ERBB4: variants seen among roughly 807,000 people sequenced by gnomAD.
ERBB4 encodes the protein receptor tyrosine-protein kinase erbB-4.
ERBB4 carries 42 observed loss-of-function variants against 158.0 expected under a neutral mutation model. That is an observed-to-expected ratio of 0.27 (90% CI 0.21 to 0.34). The LOEUF (loss-of-function observed/expected upper bound fraction) is 0.34. Ranked by LOEUF, ERBB4 falls within the 10% of genes least tolerant of loss-of-function variation. The probability of loss-of-function intolerance (pLI) is 1.00; values close to 1 mark genes in which losing one functional copy is unlikely to be tolerated. For missense variants in ERBB4, 1,333 were observed against 1,624.1 expected (o/e 0.82, Z 3.08); for synonymous variants, 583 against 558.7 (o/e 1.04, Z -0.61).
intron 1 of ERBB4, among the ~76,000 whole-genome samples, chr2:212,320,396 T>A (rs2087510281): frequency 6.7e-6 from 1 of 148,742 alleles, no homozygotes; most frequent in Admixed American, 6.7e-5. Context: ...TGTACTCTGA[T>A]CCTCCAGTTC....
chr2:211,604,787 A>G (rs376075206), intron 19 of ERBB4, among the ~76,000 whole-genome samples: 7 of 152,344 alleles, frequency 4.6e-5, no homozygotes, highest in African/African-American at 1.2e-4. Flanking sequence ...ACTTAAGGTG[A>G]TGAAAATAAA....
intron 2 of ERBB4, among the ~76,000 whole-genome samples, chr2:211,962,160 T>C (rs1457239790): frequency 2.6e-5 from 4 of 152,114 alleles, no homozygotes; most frequent in East Asian, 1.9e-4. Context: ...ATTTGTATAA[T>C]GTTTGCTTAT....
rs572181537 is a variant in ERBB4, at chr2:211,381,514, T to A, written c.*2101A>T. 3.9e-5 allele frequency: 9 copies of A among 231,612 alleles called. No homozygotes were observed. The South Asian group carries it at 1.3e-3, about 33-fold the overall frequency. The allele number at this position is 231,612 out of a possible 1,614,324, so 14.3% of individuals were successfully genotyped here. ...GCTATTCACAAAAGAGACTATGCAA[T>A]CTGATTGTTGGAACGCATAGAAAAA... On this transcript the variant is annotated 3_prime_UTR_variant, in exon 28 of 28. Coordinates refer to ENST00000342788, the MANE Select transcript of ERBB4 (RefSeq NM_005235.3).
intron 3 of ERBB4, among the ~76,000 whole-genome samples, chr2:211,906,422 G>GA (rs2079394162): frequency 6.6e-6 from 1 of 152,044 alleles, no homozygotes; most frequent in Non-Finnish European, 1.5e-5. Flanking sequence ...ATGTTTAGAA[G>GA]AAAAAATCAA....
chr2:212,345,265 C>CAAAAAAAAAGAAAAAAAAAAAAA, intron 1 of ERBB4, among the ~76,000 whole-genome samples: 1 of 77,718 alleles, frequency 1.3e-5, no homozygotes, highest in Non-Finnish European at 2.6e-5. Flanking sequence ...GACTCCGTCT[C>CAAAAAAAAAGAAAAAAAAAAAAA]AAAAAAAAAA....
intron 1 of ERBB4, among the ~76,000 whole-genome samples, chr2:212,245,252 AT>A (rs907835934): frequency 1.3e-5 from 2 of 152,138 alleles, no homozygotes; most frequent in Non-Finnish European, 2.9e-5. Flanking sequence ...AGGTCAGAGT[AT>A]TTTTTGGGTG....
intron 20 of ERBB4, among the ~76,000 whole-genome samples, chr2:211,482,789 C>A (rs571941194): frequency 6.6e-6 from 1 of 152,246 alleles, no homozygotes; most frequent in East Asian, 1.9e-4. Flanking sequence ...TCTGTAATCC[C>A]AGCTACGCGG....
chr2:211,522,588 A>T (rs2066218696), intron 20 of ERBB4, among the ~76,000 whole-genome samples: 1 of 152,136 alleles, frequency 6.6e-6, no homozygotes, highest in Non-Finnish European at 1.5e-5. Flanking sequence ...CAATTTTGAA[A>T]GAAGTTCTAC....
chr2:211,814,114 G>A (rs2076824954), intron 3 of ERBB4, among the ~76,000 whole-genome samples: 1 of 152,086 alleles, frequency 6.6e-6, no homozygotes, highest in South Asian at 2.1e-4. Flanking sequence ...TGAGACTACA[G>A]AAGTCTAAAT....
chr2:211,379,979 C>T lies in ERBB4; in HGVS notation c.*3636G>A, dbSNP rs547293171. ...TTTTCCTTAGCATTGTAAGTATGCA[C>T]AATCTTCATGCCATGTCTTTCCTTT... On this transcript the variant is annotated 3_prime_UTR_variant, in exon 28 of 28. Transcript: ENST00000342788. The T allele has an allele frequency of 4.3e-4, 99 of 232,086 alleles. No homozygotes were observed. The highest frequency in any genetic ancestry group is 2.1e-3 in the African/African-American group (93 of 45,362). The allele number at this position is 232,086 out of a possible 1,614,324, so 14.4% of individuals were successfully genotyped here. A position where few individuals can be genotyped will look rare whatever the true frequency, so the allele number is the denominator to read the frequency against.
chr2:212,105,351 C>A (rs1321646125), intron 2 of ERBB4, among the ~76,000 whole-genome samples: 2 of 152,134 alleles, frequency 1.3e-5, no homozygotes, highest in African/African-American at 2.4e-5. Context: ...CACTGAATTG[C>A]ATTGTGTAAA....
At chr2:212,366,967 C>T (rs1366263003) in intron 1 of ERBB4, among the ~76,000 whole-genome samples, 2 of 151,958 alleles carry the variant, frequency 1.3e-5, no homozygotes, top group Non-Finnish European at 2.9e-5. Context: ...CCCAATGTGA[C>T]TGTATTTGAA....
At chr2:211,985,169 G>C (rs755149892) in intron 2 of ERBB4, among the ~76,000 whole-genome samples, 3 of 152,082 alleles carry the variant, frequency 2.0e-5, no homozygotes, top group Non-Finnish European at 2.9e-5. Flanking sequence ...ACCTATTTAA[G>C]ATGTTAATCC....
chr2:212,290,468 G>A (rs993251444), intron 1 of ERBB4, among the ~76,000 whole-genome samples: 3 of 152,132 alleles, frequency 2.0e-5, no homozygotes, highest in African/African-American at 7.2e-5. Flanking sequence ...TTCAGTGGAA[G>A]GAAGAAATAA....
At chr2:211,893,872 C>T (rs1575332700) in intron 3 of ERBB4, among the ~76,000 whole-genome samples, 1 of 44,866 alleles carries the variant, frequency 2.2e-5, no homozygotes. Flanking sequence ...TAACATCTCA[C>T]ACCAGTTAGA....
intron 20 of ERBB4, among the ~76,000 whole-genome samples, chr2:211,515,600 T>C (rs907126453): frequency 2.6e-5 from 4 of 151,890 alleles, no homozygotes; most frequent in African/African-American, 9.7e-5. Flanking sequence ...GTTTGGAATT[T>C]GGCTTGAAGA....
chr2:211,824,816 A>T (rs2077062047), intron 3 of ERBB4, among the ~76,000 whole-genome samples: 1 of 151,960 alleles, frequency 6.6e-6, no homozygotes, highest in South Asian at 2.1e-4. Context: ...TCTGAAAAAA[A>T]TATGTTTGTT....
At chr2:212,246,727 G>A (rs892457828) in intron 1 of ERBB4, among the ~76,000 whole-genome samples, 2 of 152,050 alleles carry the variant, frequency 1.3e-5, no homozygotes, top group African/African-American at 4.8e-5. Context: ...TGATGCTGAG[G>A]AATAAGTACT....
chr2:212,095,808 G>A (rs1472208489), intron 2 of ERBB4, among the ~76,000 whole-genome samples: 1 of 151,622 alleles, frequency 6.6e-6, no homozygotes, highest in Non-Finnish European at 1.5e-5. Flanking sequence ...GGTGGTGGGC[G>A]CCTGTAGTCC....
Sources: allele counts gnomAD v4.1 joint callset (sites outside exome capture counted in the v4.1 genomes callset), GRCh38; gene constraint gnomAD v4.1.1; transcripts MANE v1.5; gene names NCBI Gene and HGNC (gene_info 2026-07-23, HGNC 2026-07-21).